IRAK1BP1: variants seen among roughly 807,000 people sequenced by gnomAD.
IRAK1BP1 encodes interleukin-1 receptor-associated kinase 1-binding protein 1.
Under a neutral mutation model 28.0 loss-of-function variants are expected in IRAK1BP1, and 24 were observed. The ratio of observed to expected loss-of-function variants is 0.86; its 90% CI spans 0.62 to 1.20. The LOEUF (loss-of-function observed/expected upper bound fraction) is 1.20, where lower values mean the gene tolerates loss of function less well. Among genes scored for constraint, IRAK1BP1 ranks in the 50% most tolerant of loss-of-function variants. The pLI, the probability that IRAK1BP1 is intolerant of heterozygous loss-of-function variation, is 0.00. For missense variants in IRAK1BP1, 336 were observed against 316.7 expected, an observed-to-expected ratio of 1.06 and a Z score of -0.46; for synonymous variants, 131 against 116.3, an observed-to-expected ratio of 1.13 and a Z score of -0.81.
intron 4 of IRAK1BP1, among the ~76,000 whole-genome samples, chr6:78,932,516 G>A (rs1215849116): frequency 6.8e-6 from 1 of 146,370 alleles, no homozygotes; most frequent in Admixed American, 7.2e-5. Context: ...CCACCTCCCA[G>A]GTTCAAGCAA....
chr6:78,933,349 G>A lies in IRAK1BP1; in HGVS notation c.*68-12059G>A, dbSNP rs1475719401. Among the ~76,000 whole-genome samples the A allele has an allele frequency of 2.0e-5, 3 of 152,206 alleles. No homozygotes were observed. In the South Asian group the frequency reaches 6.2e-4, roughly 31 times the overall value. The stretch of plus-strand genomic sequence containing the variant: ...CATCATGAACCAGGCCGGACGCGAT[G>A]GCTCACGCCTGTAATCCCAACACTT... On this transcript the variant is annotated intron_variant and NMD_transcript_variant, in intron 4 of 4. Coordinates refer to the IRAK1BP1 transcript ENST00000606868.
intron 2 of IRAK1BP1, among the ~76,000 whole-genome samples, chr6:78,890,024 T>C (rs1240181763): frequency 6.6e-6 from 1 of 152,130 alleles, no homozygotes; most frequent in African/African-American, 2.4e-5. Flanking sequence ...CCAACCCAAA[T>C]GCCCATCAAT....
chr6:78,970,297 A>C, the IRAK1BP1 span: 3 of 729,916 alleles, frequency 4.1e-6, no homozygotes, highest in Non-Finnish European at 6.7e-6. Flanking sequence ...GACTGTGTAC[A>C]TGTAAAAATT....
chr6:78,894,121 A>C (rs1260037877), intron 2 of IRAK1BP1, among the ~76,000 whole-genome samples: 1 of 152,210 alleles, frequency 6.6e-6, no homozygotes, highest in Non-Finnish European at 1.5e-5. Context: ...AGCAAACACT[A>C]AAATAATGGA....
chr6:78,944,257 T>A (rs1233198231), intron 4 of IRAK1BP1, among the ~76,000 whole-genome samples: 1 of 152,154 alleles, frequency 6.6e-6, no homozygotes, highest in Non-Finnish European at 1.5e-5. Context: ...AAGAGTCTTG[T>A]GTAACAGGCA....
At chr6:78,978,743 A>G in the IRAK1BP1 span, 8 of 1,546,056 alleles carry the variant, frequency 5.2e-6, no homozygotes, top group Non-Finnish European at 7.1e-6. Context: ...TTGTTAAGTA[A>G]TAATCAAAAA....
At chr6:78,883,734 A>C (rs976102763) in intron 1 of IRAK1BP1, among the ~76,000 whole-genome samples, 2 of 152,190 alleles carry the variant, frequency 1.3e-5, no homozygotes, top group African/African-American at 2.4e-5. Flanking sequence ...AAAATATTAA[A>C]TGTAAAATTC....
In IRAK1BP1 at chr6:78,867,765, G is replaced by A; in HGVS notation, c.189G>A (p.Ala63=). 6.2e-7 allele frequency: 1 copy of A among 1,613,916 alleles called. No individual in the cohort carries two copies. Among genetic ancestry groups the A allele is most frequent in the Non-Finnish European group, 8.5e-7 (1 of 1,179,998 alleles). ...VQVSGTSEVS[A]GPDRAQVVVR... ...TAAGCGGCACCTCAGAAGTGTCTGCGGGCCCTGACCGGGCGCAGGTGGTGG... is the reference window on the plus strand; with the variant it reads ...TAAGCGGCACCTCAGAAGTGTCTGCAGGCCCTGACCGGGCGCAGGTGGTGG... The change falls in exon 1 of 4, where the codon GCG becomes GCA. Residue 63 remains alanine, a synonymous_variant. Transcript: ENST00000369940.
the IRAK1BP1 span, among the ~76,000 whole-genome samples, chr6:78,965,521 T>C: frequency 6.6e-6 from 1 of 152,228 alleles, no homozygotes; most frequent in Non-Finnish European, 1.5e-5. Flanking sequence ...GCAAGAGTTA[T>C]ATCTATCTTC....
the IRAK1BP1 span, chr6:78,970,673 T>C: frequency 4.4e-6 from 3 of 686,852 alleles, no homozygotes; most frequent in Non-Finnish European, 7.3e-6. Context: ...AAACAAGGTA[T>C]CTTCATGATG....
chr6:78,916,726 A>G (rs1772569975), intron 4 of IRAK1BP1, among the ~76,000 whole-genome samples: 1 of 152,148 alleles, frequency 6.6e-6, no homozygotes, highest in Non-Finnish European at 1.5e-5. Flanking sequence ...GAAAAGAAAC[A>G]GAGTGGTTAG....
chr6:78,949,010 T>C (rs1048089989), downstream of IRAK1BP1, among the ~76,000 whole-genome samples: 1 of 152,234 alleles, frequency 6.6e-6, no homozygotes, highest in Non-Finnish European at 1.5e-5. Context: ...GGCTAGAATT[T>C]CCAGTACTAC....
At chr6:78,876,430 C>T (rs1771006059) in intron 1 of IRAK1BP1, among the ~76,000 whole-genome samples, 1 of 152,156 alleles carries the variant, frequency 6.6e-6, no homozygotes, top group Non-Finnish European at 1.5e-5. Flanking sequence ...CTGTCTTGAC[C>T]ATTTTGTCTT....
At position 78,901,192 on chromosome 6, in the gene IRAK1BP1, T is replaced by C. The variant is rs1233818605; in HGVS notation, c.*2858T>C. 2 of 151,944 alleles carry C rather than the reference T, an allele frequency of 1.3e-5. No homozygotes were observed. Among genetic ancestry groups the C allele is most frequent in the African/African-American group, 4.8e-5 (2 of 41,420 alleles). 9.4% of individuals were successfully genotyped at this position (151,944 alleles called of 1,614,324 possible). ...ATGAAATACCTAAAGACAATTTTTTTTTTAAGTTAGTAGGCACTTTTTAGA... is the reference window on the plus strand; with the variant it reads ...ATGAAATACCTAAAGACAATTTTTTCTTTAAGTTAGTAGGCACTTTTTAGA... On this transcript the variant is annotated 3_prime_UTR_variant, in exon 4 of 4. Transcript: ENST00000369940.
chr6:78,898,972 A>G lies in IRAK1BP1; in HGVS notation c.*638A>G, dbSNP rs1474395909. On this transcript the variant is annotated 3_prime_UTR_variant, in exon 4 of 4. Transcript: ENST00000369940. ...ACTTGAGATTCCCAGACAGAAACAAAGGACTATTACTCATGGCACAACAAG... is the reference window on the plus strand; with the variant it reads ...ACTTGAGATTCCCAGACAGAAACAAGGGACTATTACTCATGGCACAACAAG... 6.6e-6 allele frequency: 1 copy of G among 152,170 alleles called. No individual in the cohort carries two copies. The highest frequency in any genetic ancestry group is 6.5e-5 in the Admixed American group (1 of 15,276). The allele number at this position is 152,170 out of a possible 1,614,324, so 9.4% of individuals were successfully genotyped here.
chr6:78,883,578 A>C (rs1582002974), intron 1 of IRAK1BP1, among the ~76,000 whole-genome samples: 1 of 152,206 alleles, frequency 6.6e-6, no homozygotes, highest in East Asian at 1.9e-4. Flanking sequence ...AAGTGGGAGA[A>C]AAGTGAAAAA....
At chr6:78,871,725 C>A (rs1770798619) in intron 1 of IRAK1BP1, 1 of 203,602 alleles carries the variant, frequency 4.9e-6, no homozygotes, top group Non-Finnish European at 9.4e-6. Context: ...CACACGGTCA[C>A]AGCCAGGAAG....
the IRAK1BP1 span, chr6:78,957,601 T>G: frequency 2.0e-5 from 3 of 148,138 alleles, no homozygotes; most frequent in Non-Finnish European, 4.5e-5. Context: ...AAAAACTGAA[T>G]AATCCTGAAT....
At chr6:78,955,107 T>A in the IRAK1BP1 span, 1 of 889,808 alleles carries the variant, frequency 1.1e-6, no homozygotes, top group South Asian at 2.0e-5. Context: ...AACATACATT[T>A]TGTAATTGAA....
Sources: allele counts gnomAD v4.1 joint callset (sites outside exome capture counted in the v4.1 genomes callset), GRCh38; gene constraint gnomAD v4.1.1; transcripts MANE v1.5; gene names NCBI Gene and HGNC (gene_info 2026-07-23, HGNC 2026-07-21).